Variants in WWOX observed in about 807,000 individuals in gnomAD.
WWOX encodes WW domain containing oxidoreductase, also known as WW domain-containing oxidoreductase.
A neutral mutation model predicts 46.2 loss-of-function variants in WWOX; 69 were observed. The ratio of observed to expected loss-of-function variants is 1.49; its 90% confidence interval spans 1.23 to 1.82. WWOX has a LOEUF of 1.82. Ranked by LOEUF, WWOX falls within the 40% of genes most tolerant of loss-of-function variation. The probability of loss-of-function intolerance (pLI) is 0.00; values close to 1 mark genes in which losing one functional copy is unlikely to be tolerated. For missense variants in WWOX, 919 were observed against 542.6 expected (o/e 1.69, Z -6.89); for synonymous variants, 359 against 202.6 (o/e 1.77, Z -6.56).
chr16:78,302,856 A>G (rs991715735), intron 5 of WWOX, among the ~76,000 whole-genome samples: 2 of 152,176 alleles, frequency 1.3e-5, no homozygotes, highest in Non-Finnish European at 2.9e-5. Context: ...CCTGGCTCCA[A>G]ACCTTTGGCT....
At chr16:78,681,046 C>T (rs557693535) in intron 8 of WWOX, among the ~76,000 whole-genome samples, 6 of 152,154 alleles carry the variant, frequency 3.9e-5, no homozygotes, top group African/African-American at 9.6e-5. Context: ...GTCGAGAGTT[C>T]GAGACCACCC....
intron 8 of WWOX, among the ~76,000 whole-genome samples, chr16:78,519,656 C>T (rs2043307853): frequency 6.6e-6 from 1 of 152,016 alleles, no homozygotes; most frequent in South Asian, 2.1e-4. Context: ...ATGATAAGGT[C>T]CTGGGGGCGG....
chr16:78,156,173 A>G (rs943772456), intron 4 of WWOX, among the ~76,000 whole-genome samples: 2 of 152,174 alleles, frequency 1.3e-5, no homozygotes, highest in African/African-American at 2.4e-5. Context: ...GGAATTCTCT[A>G]AAGGAGAGAG....
chr16:78,754,672 C>G (rs757329152), intron 8 of WWOX, among the ~76,000 whole-genome samples: 1 of 152,104 alleles, frequency 6.6e-6, no homozygotes, highest in African/African-American at 2.4e-5. Flanking sequence ...AGCCTTGACA[C>G]AAATAAAGGC....
intron 8 of WWOX, among the ~76,000 whole-genome samples, chr16:79,058,916 A>G (rs1308355941): frequency 6.6e-6 from 1 of 152,262 alleles, no homozygotes; most frequent in Non-Finnish European, 1.5e-5. Flanking sequence ...CACTTTGGAC[A>G]TGTCAAAATC....
Position 78,767,348 on chromosome 16 carries a change from T to C in WWOX, c.1056+334596T>C, listed in dbSNP as rs943793105. Among the ~76,000 whole-genome samples the C allele has an allele frequency of 2.0e-5, 3 of 152,192 alleles. No individual in the cohort carries two copies. The South Asian group carries it at 6.2e-4, about 32-fold the overall frequency. On this transcript the variant is annotated intron_variant, in intron 8 of 8. Coordinates refer to ENST00000566780, the MANE Select transcript of WWOX (RefSeq NM_016373.4). The stretch of plus-strand genomic sequence containing the variant: ...ACAGATTTTGCCGTGTTGCCCTGGC[T>C]GATCTTGAACTCCTGTGCTCCGGTC...
intron 5 of WWOX, among the ~76,000 whole-genome samples, chr16:78,215,822 A>AT (rs2036701431): frequency 1.3e-5 from 2 of 151,758 alleles, no homozygotes; most frequent in Admixed American, 1.3e-4. Flanking sequence ...GCTATTTGGG[A>AT]CCCTGAGGCA....
chr16:79,113,330 A>T (rs2049452037), intron 8 of WWOX, among the ~76,000 whole-genome samples: 1 of 152,186 alleles, frequency 6.6e-6, no homozygotes, highest in Non-Finnish European at 1.5e-5. Flanking sequence ...CATGTGGAAC[A>T]TGCCGTCTCT....
chr16:79,106,849 C>T (rs1458938021), intron 8 of WWOX: 4 of 143,572 alleles, frequency 2.8e-5, no homozygotes, highest in African/African-American at 7.8e-5. Flanking sequence ...GTTCTTATGC[C>T]GAGGCTGGAG....
intron 8 of WWOX, among the ~76,000 whole-genome samples, chr16:79,123,491 C>G (rs568424461): frequency 6.6e-6 from 1 of 152,084 alleles, no homozygotes; most frequent in Non-Finnish European, 1.5e-5. Flanking sequence ...TAGGCTCATT[C>G]ATACACCAGT....
At chr16:78,953,811 G>C (rs564726461) in intron 8 of WWOX, among the ~76,000 whole-genome samples, 12 of 152,176 alleles carry the variant, frequency 7.9e-5, no homozygotes, top group African/African-American at 2.9e-4. Flanking sequence ...CCTGAGGTTC[G>C]CAGCTGGGCA....
intron 8 of WWOX, among the ~76,000 whole-genome samples, chr16:78,869,542 C>G (rs1300130859): frequency 6.6e-6 from 1 of 152,204 alleles, no homozygotes; most frequent in Non-Finnish European, 1.5e-5. Context: ...TGACCCAAGT[C>G]TGGTCAATTG....
chr16:78,722,125 T>G (rs1325350771), intron 8 of WWOX, among the ~76,000 whole-genome samples: 1 of 152,164 alleles, frequency 6.6e-6, no homozygotes, highest in Non-Finnish European at 1.5e-5. Flanking sequence ...GACATTCCAG[T>G]CCCAAAGGAG....
intron 8 of WWOX, among the ~76,000 whole-genome samples, chr16:79,106,960 G>C (rs745982867): frequency 6.6e-6 from 1 of 151,532 alleles, no homozygotes; most frequent in Non-Finnish European, 1.5e-5. Context: ...GGTGCCCCCC[G>C]CAACCATGTC....
rs1036808480 is a variant in WWOX at position 78,345,048 on chromosome 16, G to A, written c.517-41812G>A. 9.2e-5 allele frequency among the ~76,000 whole-genome samples: 11 copies of A among 119,498 alleles called. 3 individuals are homozygous for A. Among genetic ancestry groups the A allele is most frequent in the Admixed American group, 1.6e-4 (2 of 12,196 alleles). 78.4% of individuals were successfully genotyped at this position (119,498 alleles called of 152,430 possible). On this transcript the variant is annotated intron_variant, in intron 5 of 8. Transcript: ENST00000566780. Reference sequence around the variant, plus strand: ...AAGATGGTTGTGGAAAGTATTGTGCGTCATGGACCTAAAGTACCTAGGAGA... The same window carrying A: ...AAGATGGTTGTGGAAAGTATTGTGCATCATGGACCTAAAGTACCTAGGAGA...
intron 8 of WWOX, among the ~76,000 whole-genome samples, chr16:78,558,366 T>C (rs900017972): frequency 1.3e-5 from 2 of 152,236 alleles, no homozygotes; most frequent in African/African-American, 4.8e-5. Flanking sequence ...ATGAAATAAA[T>C]TAGCTGTGAA....
At chr16:78,640,237 T>TG (rs2046672532) in intron 8 of WWOX, among the ~76,000 whole-genome samples, 1 of 143,616 alleles carries the variant, frequency 7.0e-6, no homozygotes, top group African/African-American at 2.6e-5. Flanking sequence ...TTTTTTTTTT[T>TG]TTTTTTTTTT....
Position 78,813,988 on chromosome 16 carries a change from C to T in WWOX, c.1056+381236C>T, listed in dbSNP as rs536050056. ...AATTCTATAGGTTCTATTATATCTC[C>T]GCTGGTTTAAGGCAACTGCTGTTTC... is the stretch of plus-strand genomic sequence containing the variant. On this transcript the variant is annotated intron_variant, in intron 8 of 8. Coordinates refer to ENST00000566780, the MANE Select transcript of WWOX (RefSeq NM_016373.4). 1.2e-3 allele frequency among the ~76,000 whole-genome samples: 176 copies of T among 152,252 alleles called. 5 individuals are homozygous for T. In the South Asian group the frequency reaches 0.035, roughly 30 times the overall value.
intron 8 of WWOX, among the ~76,000 whole-genome samples, chr16:78,858,933 C>T (rs1323558516): frequency 6.8e-6 from 1 of 148,070 alleles, no homozygotes; most frequent in Admixed American, 6.8e-5. Flanking sequence ...CCCACCTCAG[C>T]CTCCCAAAGT....
Sources: allele counts gnomAD v4.1 joint callset (sites outside exome capture counted in the v4.1 genomes callset), GRCh38; gene constraint gnomAD v4.1.1; transcripts MANE v1.5; gene names NCBI Gene and HGNC (gene_info 2026-07-23, HGNC 2026-07-21).